The following FRMD5 variants were observed in gnomAD, a reference collection of about 807,000 sequenced individuals.
FRMD5 encodes FERM domain containing 5.
FRMD5 carries 20 observed loss-of-function variants against 69.0 expected under a neutral mutation model. The ratio of observed to expected loss-of-function variants is 0.29; its 90% CI spans 0.20 to 0.42. The LOEUF (loss-of-function observed/expected upper bound fraction) is 0.42. FRMD5 is among the 10% of genes least tolerant of loss of function. The pLI is 1.00. For synonymous variants in FRMD5, 271 were observed against 260.1 expected, an observed-to-expected ratio of 1.04 and a Z score of -0.40; for missense variants, 595 against 708.6, an observed-to-expected ratio of 0.84 and a Z score of 1.82.
chr15:44,119,125 T>G (rs534660096), intron 1 of FRMD5, among the ~76,000 whole-genome samples: 1 of 152,040 alleles, frequency 6.6e-6, no homozygotes, highest in South Asian at 2.1e-4. Flanking sequence ...CCAGTTAATT[T>G]TTTTTATTTT....
In FRMD5 at chr15:43,873,143, AG is replaced by A; in HGVS notation, c.*741del. ...ATACAAAACTATGGTGATGCCCACT[AG>A]GCTCTAGACTAAGGGGACAGACTTA... is the stretch of plus-strand genomic sequence containing the variant. On this transcript the variant is annotated 3_prime_UTR_variant, in exon 14 of 14. Transcript: ENST00000417257. 1 of 1,543,618 alleles carries A rather than the reference AG, an allele frequency of 6.5e-7. No individual in the cohort carries two copies. The highest frequency in any genetic ancestry group is 8.8e-7 in the Non-Finnish European group (1 of 1,141,188).
rs191718161 is a variant in FRMD5 at position 43,888,239 on chromosome 15, C to T, written c.820G>A (p.Ala274Thr). The T allele has an allele frequency of 1.9e-6, 3 of 1,613,828 alleles. No homozygotes were observed. In the Admixed American group the frequency reaches 5.0e-5, roughly 27 times the overall value. Residue 274 changes from alanine (A) to threonine (T), a missense_variant, in exon 10 of 14, where the codon GCT becomes ACT. Transcript: ENST00000417257. ...TGCTTACACGCTTCAGGAGTTGGAG[C>T]AAAATATGTAAGAATAATTTTCTTT... ...EEKKIILTYFAPTPEACKHLW... is the reference protein window; with the variant it reads ...EEKKIILTYFTPTPEACKHLW...
At chr15:43,993,796 G>A (rs577649944) in intron 1 of FRMD5, among the ~76,000 whole-genome samples, 2 of 152,224 alleles carry the variant, frequency 1.3e-5, no homozygotes, top group East Asian at 3.9e-4. Flanking sequence ...AATTGTTATA[G>A]TCTCTTGATG....
intron 1 of FRMD5, among the ~76,000 whole-genome samples, chr15:44,185,829 A>T (rs1311945679): frequency 6.6e-6 from 1 of 151,938 alleles, no homozygotes; most frequent in Non-Finnish European, 1.5e-5. Context: ...AAAAAATCTA[A>T]AAGAGGGCAG....
Position 43,873,457 on chromosome 15 carries a change from A to G in FRMD5, c.*428T>C. On this transcript the variant is annotated 3_prime_UTR_variant, in exon 14 of 14. Transcript: ENST00000417257. ...TGGCACCAGCAGGAAAAGCTCCTGCAGAATACAGAGGACAGCAGCTCTCTA... is the reference window on the plus strand; with the variant it reads ...TGGCACCAGCAGGAAAAGCTCCTGCGGAATACAGAGGACAGCAGCTCTCTA... 3.5e-6 allele frequency: 5 copies of G among 1,428,508 alleles called. No individual in the cohort carries two copies. Among genetic ancestry groups the G allele is most frequent in the Non-Finnish European group, 4.5e-6 (5 of 1,101,498 alleles). The allele number at this position is 1,428,508 out of a possible 1,614,324, so 88.5% of individuals were successfully genotyped here. A position where few individuals can be genotyped will look rare whatever the true frequency, so the allele number is the denominator to read the frequency against.
At chr15:43,938,231 C>CAAA (rs775430626) in intron 1 of FRMD5, among the ~76,000 whole-genome samples, 99 of 64,952 alleles carry the variant, frequency 1.5e-3, no homozygotes, top group African/African-American at 3.6e-3. Flanking sequence ...GACTCCGTCT[C>CAAA]AAAAAAAAAA....
chr15:43,874,295 C>CA lies in FRMD5; in HGVS notation c.1302dup (p.Val435CysfsTer3). 6.2e-7 allele frequency: 1 copy of CA among 1,614,238 alleles called. No individual in the cohort carries two copies. The highest frequency in any genetic ancestry group is 8.5e-7 in the Non-Finnish European group (1 of 1,180,052). ...ATCAGCTCCAGGCTGTGCTCAGCCA[C>CA]AGGGGTGGGCAGCACGCTGTCTGCA... On this transcript the variant is annotated frameshift_variant, in exon 14 of 14. Coordinates refer to ENST00000417257, the MANE Select transcript of FRMD5 (RefSeq NM_032892.5). LOFTEE classifies it high-confidence loss of function.
chr15:44,018,077 T>C (rs1891052008), intron 1 of FRMD5, among the ~76,000 whole-genome samples: 1 of 152,212 alleles, frequency 6.6e-6, no homozygotes, highest in South Asian at 2.1e-4. Flanking sequence ...CAATATTTTA[T>C]CTGAGAATAT....
chr15:44,095,654 C>A (rs1470594354), intron 1 of FRMD5, among the ~76,000 whole-genome samples: 1 of 152,282 alleles, frequency 6.6e-6, no homozygotes, highest in East Asian at 1.9e-4. Context: ...ATTTAATGTT[C>A]TGGCTTCTCC....
intron 7 of FRMD5, among the ~76,000 whole-genome samples, chr15:43,899,179 C>T (rs768992784): frequency 2.0e-5 from 3 of 152,164 alleles, no homozygotes; most frequent in Non-Finnish European, 2.9e-5. Context: ...AGCATTAAGG[C>T]GAGCACTTGA....
chr15:44,105,909 A>G lies in FRMD5; in HGVS notation c.102+89044T>C, dbSNP rs186253861. The stretch of plus-strand genomic sequence containing the variant: ...GAACCCCCACAGATACCACAATCCA[A>G]ATGTTCAAGTCCCTTATATAAAATA... On this transcript the variant is annotated intron_variant, in intron 1 of 13. Coordinates refer to ENST00000417257, the MANE Select transcript of FRMD5 (RefSeq NM_032892.5). 3.9e-5 allele frequency among the ~76,000 whole-genome samples: 6 copies of G among 152,276 alleles called. No homozygotes were observed. In the East Asian group the frequency reaches 1.2e-3, roughly 29 times the overall value.
intron 1 of FRMD5, among the ~76,000 whole-genome samples, chr15:43,965,870 G>A (rs918189735): frequency 3.3e-5 from 5 of 151,760 alleles, no homozygotes; most frequent in South Asian, 2.1e-4. Flanking sequence ...GTGAGCCACC[G>A]CACCCGGCCT....
chr15:44,166,645 G>A (rs377554404), intron 1 of FRMD5, among the ~76,000 whole-genome samples: 92 of 151,856 alleles, frequency 6.1e-4, no homozygotes, highest in East Asian at 3.9e-3. Context: ...TTAGCTGGGC[G>A]TGGTGGTGAG....
intron 7 of FRMD5, among the ~76,000 whole-genome samples, chr15:43,894,567 G>A (rs1280076026): frequency 1.3e-5 from 2 of 152,084 alleles, no homozygotes; most frequent in African/African-American, 4.8e-5. Flanking sequence ...TAAAGGAAAG[G>A]CCTAGGAAGG....
At chr15:44,066,580 A>G (rs1893321425) in intron 1 of FRMD5, among the ~76,000 whole-genome samples, 1 of 152,198 alleles carries the variant, frequency 6.6e-6, no homozygotes, top group Admixed American at 6.5e-5. Context: ...AGTTGTTCAG[A>G]TCTATCAGAG....
At chr15:43,973,423 T>C (rs200972641) in intron 1 of FRMD5, among the ~76,000 whole-genome samples, 33 of 151,282 alleles carry the variant, frequency 2.2e-4, no homozygotes, top group Non-Finnish European at 1.6e-4. Flanking sequence ...TGGAGTGCAA[T>C]GGCACGATAT....
At chr15:44,094,480 C>T (rs556591901) in intron 1 of FRMD5, among the ~76,000 whole-genome samples, 1 of 152,216 alleles carries the variant, frequency 6.6e-6, no homozygotes, top group African/African-American at 2.4e-5. Context: ...AGGACATAAA[C>T]GTTTTATTGA....
intron 1 of FRMD5, among the ~76,000 whole-genome samples, chr15:44,042,956 G>A (rs983860091): frequency 6.6e-6 from 1 of 152,092 alleles, no homozygotes; most frequent in South Asian, 2.1e-4. Context: ...AGAAATAAAG[G>A]GTATTCAATT....
intron 1 of FRMD5, among the ~76,000 whole-genome samples, chr15:44,132,733 T>C (rs2077119834): frequency 7.9e-6 from 1 of 125,864 alleles, no homozygotes; most frequent in Non-Finnish European, 1.7e-5. Flanking sequence ...CTGGACATCA[T>C]GAATGTATGT....
Sources: gnomAD v4.1 joint callset for allele counts (sites outside exome capture counted in the v4.1 genomes callset) on GRCh38, gnomAD v4.1.1 for gene constraint, MANE v1.5 for transcripts, NCBI Gene and HGNC (gene_info 2026-07-23, HGNC 2026-07-21) for gene names.